GPHN: variants seen among roughly 807,000 people sequenced by gnomAD.
GPHN encodes the protein gephyrin.
Under a neutral mutation model 95.5 loss-of-function variants are expected in GPHN, and 17 were observed. That is an observed-to-expected ratio of 0.18 (90% confidence interval 0.12 to 0.27). The LOEUF (loss-of-function observed/expected upper bound fraction) is 0.27. Ranked by LOEUF, GPHN falls within the 10% of genes least tolerant of loss-of-function variation. The pLI, the probability that GPHN is intolerant of heterozygous loss-of-function variation, is 1.00. For missense variants in GPHN, 660 were observed against 978.1 expected, an observed-to-expected ratio of 0.67 and a Z score of 4.34; for synonymous variants, 320 against 322.5, an observed-to-expected ratio of 0.99 and a Z score of 0.08.
At chr14:67,073,767 T>G (rs1046735979) in intron 11 of GPHN, among the ~76,000 whole-genome samples, 1 of 152,176 alleles carries the variant, frequency 6.6e-6, no homozygotes, top group Non-Finnish European at 1.5e-5. Flanking sequence ...ACATAAGAAC[T>G]GTAATTGCCA....
intron 3 of GPHN, among the ~76,000 whole-genome samples, chr14:66,816,253 G>C (rs539867219): frequency 1.8e-4 from 28 of 152,110 alleles, no homozygotes; most frequent in Non-Finnish European, 3.2e-4. Flanking sequence ...CACTGAGAAA[G>C]AAAATTAACA....
intron 2 of GPHN, among the ~76,000 whole-genome samples, chr14:66,695,271 A>G (rs1428234439): frequency 6.6e-6 from 1 of 152,278 alleles, no homozygotes; most frequent in Non-Finnish European, 1.5e-5. Context: ...AAATAAGTAT[A>G]TAAAAAGATG....
the GPHN span, among the ~76,000 whole-genome samples, chr14:67,600,829 T>A: frequency 6.6e-6 from 1 of 152,162 alleles, no homozygotes; most frequent in African/African-American, 2.4e-5. Flanking sequence ...TTCGCCCGCC[T>A]CGGCCTCCCG....
the GPHN span, among the ~76,000 whole-genome samples, chr14:67,289,636 T>TA: frequency 6.6e-6 from 1 of 152,138 alleles, no homozygotes; most frequent in African/African-American, 2.4e-5. Flanking sequence ...AAAGAACTGT[T>TA]AAAATCTATT....
chr14:67,676,775 C>T, the GPHN span: 2 of 152,244 alleles, frequency 1.3e-5, no homozygotes, highest in East Asian at 3.9e-4. Context: ...ATTGCACAAC[C>T]ATAATAATGA....
the GPHN span, chr14:67,312,492 C>T: frequency 3.5e-6 from 5 of 1,423,254 alleles, no homozygotes; most frequent in African/African-American, 1.4e-5. Flanking sequence ...TTTATATTGC[C>T]ATTTATTGTT....
the GPHN span, chr14:67,569,946 C>G: frequency 6.2e-7 from 1 of 1,610,026 alleles, no homozygotes; most frequent in Non-Finnish European, 8.5e-7. Context: ...CCCTTGTTTC[C>G]CCTGGGTCTT....
chr14:66,642,732 T>G (rs28470619), intron 1 of GPHN, among the ~76,000 whole-genome samples: 1 of 151,800 alleles, frequency 6.6e-6, no homozygotes, highest in East Asian at 1.9e-4. Flanking sequence ...CATATATGCT[T>G]CTACCTGATT....
chr14:67,663,627 T>C, the GPHN span, among the ~76,000 whole-genome samples: 1 of 152,140 alleles, frequency 6.6e-6, no homozygotes, highest in Non-Finnish European at 1.5e-5. Context: ...TGAGCCAAGA[T>C]TGTGCCACTG....
chr14:67,395,580 G>T, the GPHN span: 3 of 1,614,038 alleles, frequency 1.9e-6, no homozygotes, highest in Non-Finnish European at 2.5e-6. Context: ...AGCTTAATGA[G>T]GAGCTGTGGG....
the GPHN span, among the ~76,000 whole-genome samples, chr14:67,324,896 C>CTTTTT: frequency 2.6e-5 from 3 of 114,452 alleles, no homozygotes; most frequent in Admixed American, 9.1e-5. Flanking sequence ...GCCTTCCTTT[C>CTTTTT]ATTTTTTTTT....
chr14:67,305,202 A>G, the GPHN span, among the ~76,000 whole-genome samples: 10 of 152,086 alleles, frequency 6.6e-5, no homozygotes, highest in African/African-American at 2.4e-4. Flanking sequence ...GTTGGAATAT[A>G]CTCCTACTTA....
At chr14:66,838,944 A>C (rs910145858) in intron 4 of GPHN, among the ~76,000 whole-genome samples, 5 of 152,228 alleles carry the variant, frequency 3.3e-5, no homozygotes, top group Non-Finnish European at 7.3e-5. Flanking sequence ...TCTGATAGGG[A>C]TTCAGAAAGT....
At chr14:67,678,480 G>A in the GPHN span, 1 of 1,173,576 alleles carries the variant, frequency 8.5e-7, no homozygotes, top group Non-Finnish European at 1.3e-6. Context: ...TCTGCCATCT[G>A]CCAGGGATAA....
At chr14:66,621,611 G>A (rs2063306974) in intron 1 of GPHN, among the ~76,000 whole-genome samples, 1 of 150,948 alleles carries the variant, frequency 6.6e-6, no homozygotes. Context: ...TTTTAGTAGA[G>A]ACGGGGTTTC....
the GPHN span, among the ~76,000 whole-genome samples, chr14:67,252,531 C>A: frequency 5.9e-5 from 9 of 152,118 alleles, no homozygotes; most frequent in African/African-American, 1.7e-4. Context: ...GTACAGGAGG[C>A]CCAAAACTTG....
chr14:67,345,774 A>G, the GPHN span: 6 of 1,611,660 alleles, frequency 3.7e-6, no homozygotes, highest in Non-Finnish European at 5.1e-6. Context: ...TTACCTGCAG[A>G]GAAGCTAGTT....
intron 1 of GPHN, among the ~76,000 whole-genome samples, chr14:66,592,605 C>T (rs12175440): frequency 1.3e-5 from 2 of 152,128 alleles, no homozygotes; most frequent in Non-Finnish European, 2.9e-5. Context: ...AATGTGATAC[C>T]ATCTCATGCC....
At chr14:67,510,029 A>AG in the GPHN span, among the ~76,000 whole-genome samples, 94,598 of 151,326 alleles carry the variant, frequency 0.63, 31,564 homozygotes, top group Non-Finnish European at 0.76. Flanking sequence ...TTTTTTATTA[A>AG]AAAAAAAAAG....
Sources: allele counts gnomAD v4.1 joint callset (sites outside exome capture counted in the v4.1 genomes callset), GRCh38; gene constraint gnomAD v4.1.1; transcripts MANE v1.5; gene names NCBI Gene and HGNC (gene_info 2026-07-23, HGNC 2026-07-21).